Variants in OCIAD1 observed in about 807,000 individuals in gnomAD.
The protein encoded by OCIAD1 is OCIA domain containing 1, also known as OCIA domain-containing protein 1.
In OCIAD1, 29 loss-of-function variants were observed where a neutral mutation model predicts 38.9. That is an observed-to-expected ratio of 0.74 (90% CI 0.55 to 1.02). The LOEUF (loss-of-function observed/expected upper bound fraction) is 1.02, where lower values mean the gene tolerates loss of function less well. Among genes scored for constraint, OCIAD1 ranks in the 50% least tolerant of loss-of-function variants. OCIAD1 has a pLI of 0.00. For synonymous variants in OCIAD1, 110 were observed against 92.0 expected (o/e 1.20, Z -1.12); for missense variants, 288 against 289.6 (o/e 0.99, Z 0.04).
intron 7 of OCIAD1, chr4:48,852,322 A>G (rs1038401576): frequency 5.7e-6 from 1 of 175,390 alleles, no homozygotes; most frequent in African/African-American, 2.4e-5. Flanking sequence ...AGAAGAAATG[A>G]TAAATCGTGT....
chr4:48,831,987 A>G (rs1777550079), intron 1 of OCIAD1, among the ~76,000 whole-genome samples: 1 of 152,248 alleles, frequency 6.6e-6, no homozygotes, highest in East Asian at 1.9e-4. Flanking sequence ...TTTTAAAAAA[A>G]GAACCAAATA....
chr4:48,808,989 T>A (rs1409650754), intron 1 of OCIAD1, among the ~76,000 whole-genome samples: 2 of 152,178 alleles, frequency 1.3e-5, no homozygotes, highest in African/African-American at 4.8e-5. Context: ...TGATTATATG[T>A]TTTTATGATT....
At chr4:48,807,608 A>G (rs1322173661) in intron 1 of OCIAD1, among the ~76,000 whole-genome samples, 1 of 152,098 alleles carries the variant, frequency 6.6e-6, no homozygotes, top group East Asian at 1.9e-4. Flanking sequence ...GCCTTTTTTT[A>G]AAAGTATGTT....
chr4:48,854,780 A>C (rs1159747153), intron 7 of OCIAD1, among the ~76,000 whole-genome samples: 1 of 152,192 alleles, frequency 6.6e-6, no homozygotes, highest in Non-Finnish European at 1.5e-5. Flanking sequence ...TTTGCCCCAG[A>C]TGCTATCCTC....
At chr4:48,815,245 G>T (rs1350249858) in intron 1 of OCIAD1, among the ~76,000 whole-genome samples, 2 of 152,156 alleles carry the variant, frequency 1.3e-5, no homozygotes, top group African/African-American at 4.8e-5. Context: ...ACCAGAAGGC[G>T]GAGGTTGCAG....
At chr4:48,856,717 G>A (rs1387956502) in intron 7 of OCIAD1, 1 of 152,052 alleles carries the variant, frequency 6.6e-6, no homozygotes, top group African/African-American at 2.4e-5. Context: ...TTTGTAAAAA[G>A]GTAAAATAAA....
chr4:48,842,255 G>T (rs17576231), intron 3 of OCIAD1, among the ~76,000 whole-genome samples: 1 of 152,166 alleles, frequency 6.6e-6, no homozygotes, highest in African/African-American at 2.4e-5. Context: ...CTCAGTAGTG[G>T]TTCTTACTTG....
intron 3 of OCIAD1, among the ~76,000 whole-genome samples, chr4:48,835,230 G>GGCCCTGAAGTAGTTTTA (rs2109523260): frequency 6.6e-6 from 1 of 152,260 alleles, no homozygotes; most frequent in Non-Finnish European, 1.5e-5. Flanking sequence ...CACTGCGCCT[G>GGCCCTGAAGTAGTTTTA]GCCCTGAAGT....
chr4:48,856,210 T>C (rs930745313), intron 7 of OCIAD1: 7 of 152,168 alleles, frequency 4.6e-5, no homozygotes, highest in African/African-American at 1.7e-4. Flanking sequence ...TATGATAATA[T>C]GTAATATTCA....
rs931233217 is a variant in OCIAD1 at position 48,861,757 on chromosome 4, TAAA to T, written c.*998_*1000del. 24 of 152,276 alleles carry T rather than the reference TAAA, an allele frequency of 1.6e-4. No homozygotes were observed. The highest frequency in any genetic ancestry group is 1.4e-3 in the Admixed American group (21 of 15,290). 9.4% of individuals were successfully genotyped at this position (152,276 alleles called of 1,614,324 possible). A position where few individuals can be genotyped will look rare whatever the true frequency, so the allele number is the denominator to read the frequency against. On this transcript the variant is annotated 3_prime_UTR_variant, in exon 9 of 9. Transcript: ENST00000264312. ...TAATATAGTAAATAGGTAAATGCCT[TAAA>T]AAGCATTTTTAAAGAATTTGTAAAT...
Position 48,860,743 on chromosome 4 carries a change from G to A in OCIAD1, c.719G>A (p.Gly240Glu). Residue 240 changes from glycine to glutamate, a missense_variant, in exon 9 of 9, where the codon GGA becomes GAA. Physicochemically the swap from Gly to Glu is moderately conservative, Grantham distance 98. Transcript: ENST00000264312. The stretch of plus-strand genomic sequence containing the variant: ...TTCCTAGTCAAAGTAAACAAGTATG[G>A]AGATACTTGGGATGAGTGAAAAATT... ...PKKEVKVNKYGDTWDE is the reference protein window; with the variant it reads ...PKKEVKVNKYEDTWDE 6.2e-7 allele frequency: 1 copy of A among 1,603,614 alleles called. No homozygotes were observed. The highest frequency in any genetic ancestry group is 8.5e-7 in the Non-Finnish European group (1 of 1,171,510).
intron 1 of OCIAD1, among the ~76,000 whole-genome samples, chr4:48,807,508 T>C (rs534009280): frequency 2.6e-5 from 4 of 152,190 alleles, no homozygotes; most frequent in Non-Finnish European, 5.9e-5. Context: ...GGATTCATAT[T>C]ATATTGCTCT....
chr4:48,860,626 G>A (rs754450469), intron 8 of OCIAD1, 99 bp from the exon 9 acceptor site: 10 of 927,764 alleles, frequency 1.1e-5, no homozygotes, highest in Non-Finnish European at 1.7e-5. Flanking sequence ...TTATTCAAAT[G>A]AGAGAGAAAC....
chr4:48,836,368 A>C (rs1242299977), intron 3 of OCIAD1, among the ~76,000 whole-genome samples: 1 of 152,230 alleles, frequency 6.6e-6, no homozygotes, highest in African/African-American at 2.4e-5. Context: ...TAGGAGACTC[A>C]ATGATACCTC....
chr4:48,826,740 A>T (rs182207522), upstream of OCIAD1, among the ~76,000 whole-genome samples: 435 of 152,324 alleles, frequency 2.9e-3, no homozygotes, highest in Non-Finnish European at 4.2e-3. Flanking sequence ...CAAAACAAAA[A>T]ATAACCTTCA....
intron 3 of OCIAD1, 87 bp from the exon 4 acceptor site, chr4:48,842,549 G>T: frequency 1.2e-6 from 1 of 802,756 alleles, no homozygotes; most frequent in Non-Finnish European, 2.1e-6. Context: ...ATTCCTAGAT[G>T]GTTTTACTGC....
At chr4:48,818,592 G>C (rs1777163085) in intron 1 of OCIAD1, among the ~76,000 whole-genome samples, 1 of 152,206 alleles carries the variant, frequency 6.6e-6, no homozygotes, top group Admixed American at 6.5e-5. Context: ...ATTGACAGAA[G>C]TGGGCTTCAG....
At chr4:48,856,397 C>CT (rs1213886548) in intron 7 of OCIAD1, 4 of 150,704 alleles carry the variant, frequency 2.7e-5, no homozygotes, top group Admixed American at 1.3e-4. Flanking sequence ...ACTTTTTTTC[C>CT]TTTTTTTTTG....
At chr4:48,852,950 C>T (rs1227679547) in intron 7 of OCIAD1, among the ~76,000 whole-genome samples, 1 of 140,622 alleles carries the variant, frequency 7.1e-6, no homozygotes, top group Non-Finnish European at 1.5e-5. Context: ...GGTGCGATCT[C>T]GGCTCACTGC....
Sources: gnomAD v4.1 joint callset for allele counts (sites outside exome capture counted in the v4.1 genomes callset) on GRCh38, gnomAD v4.1.1 for gene constraint, MANE v1.5 for transcripts, NCBI Gene and HGNC (gene_info 2026-07-23, HGNC 2026-07-21) for gene names.